Variants in GABRG1 observed in about 807,000 individuals in gnomAD.
GABRG1 encodes the protein gamma-aminobutyric acid receptor subunit gamma-1.
GABRG1 carries 49 observed loss-of-function variants against 49.8 expected under a neutral mutation model. That is an observed-to-expected ratio of 0.98 (90% CI 0.78 to 1.25). The LOEUF (loss-of-function observed/expected upper bound fraction) is 1.25. Ranked by LOEUF, GABRG1 falls within the 50% of genes most tolerant of loss-of-function variation. The pLI, the probability that GABRG1 is intolerant of heterozygous loss-of-function variation, is 0.00. For synonymous variants in GABRG1, 232 were observed against 185.1 expected (o/e 1.25, Z -2.06); for missense variants, 552 against 552.3 (o/e 1.00, Z 0.01).
At position 46,039,098 on chromosome 4, in the gene GABRG1, A is replaced by G. The variant is rs1300599965; in HGVS notation, c.*1890T>C. On this transcript the variant is annotated 3_prime_UTR_variant, in exon 9 of 9. Transcript: ENST00000295452. ...ATACAATATTTTAGTAAAGTATTTTATTCTTTATTACTACTTTATTTTTTA... is the reference window on the plus strand; with the variant it reads ...ATACAATATTTTAGTAAAGTATTTTGTTCTTTATTACTACTTTATTTTTTA... 6.6e-6 allele frequency: 1 copy of G among 151,746 alleles called. No homozygotes were observed. The allele number at this position is 151,746 out of a possible 1,614,324, so 9.4% of individuals were successfully genotyped here.
intron 1 of GABRG1, 24 bp downstream of exon 1, chr4:46,123,786 T>A: frequency 1.3e-6 from 2 of 1,556,036 alleles, no homozygotes; most frequent in Non-Finnish European, 1.8e-6. Flanking sequence ...CAAAGAATAG[T>A]TTTAAACCCC....
chr4:46,042,792 C>G (rs375289955), intron 8 of GABRG1, among the ~76,000 whole-genome samples: 104 of 152,030 alleles, frequency 6.8e-4, no homozygotes, highest in African/African-American at 2.4e-3. Flanking sequence ...ATTAAAGCAT[C>G]ATGCAGGTCA....
chr4:46,088,075 A>G (rs1343486215), intron 2 of GABRG1, among the ~76,000 whole-genome samples: 1 of 152,072 alleles, frequency 6.6e-6, no homozygotes, highest in East Asian at 1.9e-4. Flanking sequence ...TCAATACAGA[A>G]CAACATTTCT....
chr4:46,068,270 C>T lies in GABRG1; in HGVS notation c.322-2686G>A, dbSNP rs183857226. On this transcript the variant is annotated intron_variant, in intron 3 of 8. Coordinates refer to ENST00000295452, the MANE Select transcript of GABRG1 (RefSeq NM_173536.4). ...CTACTTAAGATACCAGTAAGGATTG[C>T]GGCTAGGCAAATATTCAACACTGGT... Among the ~76,000 whole-genome samples the T allele has an allele frequency of 6.1e-4, 93 of 152,182 alleles. No homozygotes were observed. In the East Asian group the frequency reaches 0.012, roughly 20 times the overall value.
chr4:46,042,378 T>C (rs1717819800), intron 8 of GABRG1, among the ~76,000 whole-genome samples: 1 of 151,888 alleles, frequency 6.6e-6, no homozygotes, highest in Non-Finnish European at 1.5e-5. Context: ...AAAAGATGAG[T>C]ATTTCAACTT....
intron 1 of GABRG1, among the ~76,000 whole-genome samples, chr4:46,110,617 A>T (rs1318124091): frequency 6.6e-6 from 1 of 151,284 alleles, no homozygotes; most frequent in Non-Finnish European, 1.5e-5. Context: ...TAAATAAGGC[A>T]AACTGAACCC....
chr4:46,039,543 T>C lies in GABRG1; in HGVS notation c.*1445A>G, dbSNP rs1024874368. 3 of 151,652 alleles carry C rather than the reference T, an allele frequency of 2.0e-5. No individual in the cohort carries two copies. Among genetic ancestry groups the C allele is most frequent in the African/African-American group, 7.2e-5 (3 of 41,390 alleles). 9.4% of individuals were successfully genotyped at this position (151,652 alleles called of 1,614,324 possible). A position where few individuals can be genotyped will look rare whatever the true frequency, so the allele number is the denominator to read the frequency against. Reference sequence around the variant, plus strand: ...AGATAGGCTGTGATCATAAAACTCTTCATCATGGTCATTGGTCTTGGCAAC... The same window carrying C: ...AGATAGGCTGTGATCATAAAACTCTCCATCATGGTCATTGGTCTTGGCAAC... On this transcript the variant is annotated 3_prime_UTR_variant, in exon 9 of 9. Coordinates refer to ENST00000295452, the MANE Select transcript of GABRG1 (RefSeq NM_173536.4).
intron 7 of GABRG1, among the ~76,000 whole-genome samples, chr4:46,056,999 C>A (rs140413706): frequency 2.0e-4 from 31 of 152,180 alleles, no homozygotes; most frequent in Non-Finnish European, 4.1e-4. Context: ...CATTCAAATT[C>A]TTTTAGAAAC....
At chr4:46,098,192 T>C (rs1720247140) in intron 1 of GABRG1, among the ~76,000 whole-genome samples, 1 of 151,780 alleles carries the variant, frequency 6.6e-6, no homozygotes, top group Admixed American at 6.6e-5. Flanking sequence ...AAGATTCAGC[T>C]GACTTCTGAA....
At position 46,058,364 on chromosome 4, in the gene GABRG1, A is replaced by C. The variant is rs1718532170; in HGVS notation, c.769T>G (p.Tyr257Asp). The change falls in exon 7 of 9, where the codon TAT becomes GAT. Residue 257 changes from tyrosine to aspartate, a missense_variant. Physicochemically the swap from Tyr to Asp is radical, Grantham distance 160. Coordinates refer to ENST00000295452, the MANE Select transcript of GABRG1 (RefSeq NM_173536.4). ...TCAAAAAAAATTGTCATGATAACAT[A>C]ATCCCCTGTAAGAAAAAAAAGTTTT... Reference protein sequence around the residue: ...TEITHTISGDYVIMTIFFDLS... With the variant: ...TEITHTISGDDVIMTIFFDLS... The C allele has an allele frequency of 6.2e-7, 1 of 1,604,900 alleles. No individual in the cohort carries two copies. Among genetic ancestry groups the C allele is most frequent in the Admixed American group, 1.7e-5 (1 of 57,916 alleles).
At chr4:46,083,552 T>C (rs1338746300) in intron 3 of GABRG1, among the ~76,000 whole-genome samples, 2 of 151,774 alleles carry the variant, frequency 1.3e-5, no homozygotes, top group African/African-American at 4.8e-5. Flanking sequence ...TTACACTTTA[T>C]ATTCCAGTAA....
At chr4:46,121,330 C>T (rs1344063776) in intron 1 of GABRG1, among the ~76,000 whole-genome samples, 17 of 151,862 alleles carry the variant, frequency 1.1e-4, no homozygotes, top group Admixed American at 9.9e-4. Flanking sequence ...TATGATCGTA[C>T]ATGATTTATA....
intron 8 of GABRG1, among the ~76,000 whole-genome samples, chr4:46,043,429 T>C (rs1717863113): frequency 6.6e-6 from 1 of 151,666 alleles, no homozygotes; most frequent in Non-Finnish European, 1.5e-5. Flanking sequence ...CAGTGAACAA[T>C]GAAAGTAAAC....
chr4:46,106,941 T>A (rs1286915044), intron 1 of GABRG1, among the ~76,000 whole-genome samples: 1 of 151,198 alleles, frequency 6.6e-6, no homozygotes, highest in Non-Finnish European at 1.5e-5. Context: ...GGGTACAAAG[T>A]AGGTGTATAT....
intron 2 of GABRG1, among the ~76,000 whole-genome samples, chr4:46,093,087 A>AAAG (rs1228368508): frequency 1.3e-5 from 2 of 150,402 alleles, no homozygotes; most frequent in Non-Finnish European, 3.0e-5. Flanking sequence ...AAAAAAAAAA[A>AAAG]GTCAAATCAT....
intron 7 of GABRG1, among the ~76,000 whole-genome samples, chr4:46,056,152 A>AAAAT (rs1718432213): frequency 4.7e-4 from 2 of 4,236 alleles, no homozygotes; most frequent in Non-Finnish European, 8.2e-4. Flanking sequence ...TAAATAAATT[A>AAAAT]AAAAAAAAAA....
At chr4:46,084,472 A>G (rs1158867337) in intron 2 of GABRG1, among the ~76,000 whole-genome samples, 4 of 151,628 alleles carry the variant, frequency 2.6e-5, no homozygotes, top group African/African-American at 9.7e-5. Context: ...GGCAGGCTGA[A>G]TATCTATTCA....
At chr4:46,062,246 G>A (rs1222194839) in intron 5 of GABRG1, among the ~76,000 whole-genome samples, 1 of 151,770 alleles carries the variant, frequency 6.6e-6, no homozygotes, top group Non-Finnish European at 1.5e-5. Flanking sequence ...TGGTGTATAT[G>A]TGCCACATTT....
intron 3 of GABRG1, among the ~76,000 whole-genome samples, chr4:46,067,487 G>A (rs1718960991): frequency 6.6e-6 from 1 of 152,044 alleles, no homozygotes; most frequent in African/African-American, 2.4e-5. Flanking sequence ...TCTATATTAT[G>A]TCAGTCATTG....
Sources: allele counts gnomAD v4.1 joint callset (sites outside exome capture counted in the v4.1 genomes callset), GRCh38; gene constraint gnomAD v4.1.1; transcripts MANE v1.5; gene names NCBI Gene and HGNC (gene_info 2026-07-23, HGNC 2026-07-21).